Variants in GNG12 observed in about 807,000 individuals in gnomAD.
GNG12 encodes G protein subunit gamma 12.
For synonymous variants in GNG12, 28 were observed against 29.7 expected (o/e 0.94, Z 0.19); for missense variants, 69 against 83.8 (o/e 0.82, Z 0.69).
intron 2 of GNG12, among the ~76,000 whole-genome samples, chr1:67,754,313 C>T (rs1217182191): frequency 6.6e-6 from 1 of 152,124 alleles, no homozygotes; most frequent in Non-Finnish European, 1.5e-5. Context: ...GTCCCCACCA[C>T]AAACCTCCGC....
At position 67,783,733 on chromosome 1, in the gene GNG12, C is replaced by T. The variant is rs1270291816; in HGVS notation, c.-76-6226G>A. ...TGAAAAAATGCTCATCATCACTGGC[C>T]GTCAGAGAAATGCAAATCAAAACCA... On this transcript the variant is annotated intron_variant, in intron 1 of 3. Transcript: ENST00000370982. Among the ~76,000 whole-genome samples the T allele has an allele frequency of 3.3e-5, 5 of 152,232 alleles. No homozygotes were observed. In the East Asian group the frequency reaches 5.8e-4, roughly 18 times the overall value.
chr1:67,739,875 C>T (rs1646473264), intron 2 of GNG12, among the ~76,000 whole-genome samples: 1 of 152,208 alleles, frequency 6.6e-6, no homozygotes, highest in East Asian at 1.9e-4. Context: ...ATTTACAACT[C>T]TGTTTTAAAG....
At chr1:67,819,888 T>C (rs372732444) in intron 1 of GNG12, among the ~76,000 whole-genome samples, 60 of 152,178 alleles carry the variant, frequency 3.9e-4, no homozygotes, top group African/African-American at 1.3e-3. Flanking sequence ...TCAGCTCAAA[T>C]GTCCCCTCCA....
intron 2 of GNG12, among the ~76,000 whole-genome samples, chr1:67,731,998 C>G (rs1480762189): frequency 1.3e-5 from 2 of 152,118 alleles, no homozygotes; most frequent in Non-Finnish European, 2.9e-5. Flanking sequence ...ATGCAATGTC[C>G]ACTTAAAATC....
chr1:67,778,301 G>T (rs926244093), intron 1 of GNG12, among the ~76,000 whole-genome samples: 1 of 152,062 alleles, frequency 6.6e-6, no homozygotes, highest in African/African-American at 2.4e-5. Context: ...TCAAGATTCA[G>T]TACGTCTCAA....
intron 2 of GNG12, among the ~76,000 whole-genome samples, chr1:67,730,462 GC>G (rs1178460491): frequency 6.6e-6 from 1 of 152,166 alleles, no homozygotes; most frequent in Non-Finnish European, 1.5e-5. Context: ...CTGAGATCAT[GC>G]CATTGCACTC....
intron 1 of GNG12, among the ~76,000 whole-genome samples, chr1:67,783,798 T>C (rs929515176): frequency 6.6e-6 from 1 of 151,940 alleles, no homozygotes; most frequent in African/African-American, 2.4e-5. Context: ...ATGGCGATCA[T>C]TAAAAAGTCA....
chr1:67,757,993 C>T (rs189139783), intron 2 of GNG12, among the ~76,000 whole-genome samples: 3,519 of 152,132 alleles, frequency 0.023, 132 homozygotes, highest in African/African-American at 0.08. Context: ...TTTTTTGAGA[C>T]AGAGTTTTAC....
chr1:67,801,344 G>A (rs1487649081), intron 1 of GNG12, among the ~76,000 whole-genome samples: 1 of 152,226 alleles, frequency 6.6e-6, no homozygotes, highest in Non-Finnish European at 1.5e-5. Flanking sequence ...ATGAATATAT[G>A]AATGAGGCTC....
intron 2 of GNG12, among the ~76,000 whole-genome samples, chr1:67,712,663 A>T (rs1241127466): frequency 6.6e-6 from 1 of 152,026 alleles, no homozygotes. Context: ...ATTGCACCCC[A>T]GCCTGGGTAA....
chr1:67,744,496 T>C (rs1335228406), intron 2 of GNG12, among the ~76,000 whole-genome samples: 3 of 152,140 alleles, frequency 2.0e-5, no homozygotes, highest in Non-Finnish European at 4.4e-5. Flanking sequence ...TTTTCAGATA[T>C]ACGAAGAACA....
At chr1:67,799,180 C>T (rs145386803) in intron 1 of GNG12, among the ~76,000 whole-genome samples, 60 of 152,204 alleles carry the variant, frequency 3.9e-4, no homozygotes, top group African/African-American at 1.4e-3. Flanking sequence ...CATACATTTT[C>T]GATTGCATGG....
At chr1:67,752,155 G>C (rs1280701841) in intron 2 of GNG12, among the ~76,000 whole-genome samples, 1 of 152,144 alleles carries the variant, frequency 6.6e-6, no homozygotes, top group Non-Finnish European at 1.5e-5. Context: ...CCTTTTCTTT[G>C]ATCAGCTCTT....
intron 1 of GNG12, among the ~76,000 whole-genome samples, chr1:67,820,927 G>C (rs1224296551): frequency 1.3e-5 from 2 of 152,190 alleles, no homozygotes; most frequent in South Asian, 2.1e-4. Context: ...AAAGATGATG[G>C]ATATTACGTG....
Position 67,833,417 on chromosome 1 carries a change from C to T in GNG12, c.-150G>A. ...AAGGGCTCCTGGAGACGGCTCCGAC[C>T]TCTCCTCCTCCTCCTCCTCTTGCTC... On this transcript the variant is annotated 5_prime_UTR_variant, in exon 1 of 4. Transcript: ENST00000370982. The T allele has an allele frequency of 1.0e-6, 1 of 985,424 alleles. No homozygotes were observed. Among genetic ancestry groups the T allele is most frequent in the Non-Finnish European group, 1.2e-6 (1 of 830,160 alleles). The allele number at this position is 985,424 out of a possible 1,614,324, so 61.0% of individuals were successfully genotyped here.
At chr1:67,768,023 G>A (rs1370472313) in intron 2 of GNG12, among the ~76,000 whole-genome samples, 3 of 152,144 alleles carry the variant, frequency 2.0e-5, no homozygotes, top group Non-Finnish European at 4.4e-5. Context: ...GGGAATCCTT[G>A]GCTTCAGCCT....
intron 2 of GNG12, among the ~76,000 whole-genome samples, chr1:67,764,669 A>G (rs1646625649): frequency 6.6e-6 from 1 of 152,202 alleles, no homozygotes; most frequent in Admixed American, 6.5e-5. Context: ...ACAGAAAGGT[A>G]CTAACAGCTG....
intron 1 of GNG12, among the ~76,000 whole-genome samples, chr1:67,827,488 C>T (rs776095635): frequency 6.6e-6 from 1 of 151,708 alleles, no homozygotes; most frequent in African/African-American, 2.4e-5. Flanking sequence ...TACAGTGGCA[C>T]GATCTCGGCT....
chr1:67,792,211 C>T (rs1276297), intron 1 of GNG12, among the ~76,000 whole-genome samples: 38,999 of 145,172 alleles, frequency 0.27, 5,615 homozygotes, highest in Admixed American at 0.36. Flanking sequence ...AATGTCAATG[C>T]CGTAAGAAAA....
Sources: allele counts gnomAD v4.1 joint callset (sites outside exome capture counted in the v4.1 genomes callset), GRCh38; gene constraint gnomAD v4.1.1; transcripts MANE v1.5; gene names NCBI Gene and HGNC (gene_info 2026-07-23, HGNC 2026-07-21).